LRP1B: variants seen among roughly 807,000 people sequenced by gnomAD.
LRP1B encodes low-density lipoprotein receptor-related protein 1B.
LRP1B carries 217 observed loss-of-function variants against 556.6 expected under a neutral mutation model. The ratio of observed to expected loss-of-function variants is 0.39; its 90% CI spans 0.35 to 0.44. The LOEUF (loss-of-function observed/expected upper bound fraction) is 0.44. Ranked by LOEUF, LRP1B falls within the 20% of genes least tolerant of loss-of-function variation. The pLI is 1.00. For missense variants in LRP1B, 5,053 were observed against 5,620.8 expected, an observed-to-expected ratio of 0.90 and a Z score of 3.23; for synonymous variants, 2,047 against 1,865.8, an observed-to-expected ratio of 1.10 and a Z score of -2.50.
intron 29 of LRP1B, among the ~76,000 whole-genome samples, chr2:140,849,043 G>A (rs1450087537): frequency 4.0e-5 from 6 of 151,856 alleles, no homozygotes; most frequent in South Asian, 2.1e-4. Context: ...TGTGCAAAGG[G>A]AAGTTGCTTA....
intron 66 of LRP1B, among the ~76,000 whole-genome samples, chr2:140,419,542 T>C (rs1685344796): frequency 6.6e-6 from 1 of 152,130 alleles, no homozygotes; most frequent in Non-Finnish European, 1.5e-5. Context: ...ATAGGCCAAA[T>C]TCTAGAGAAT....
chr2:141,185,231 T>C (rs887980963), intron 7 of LRP1B, among the ~76,000 whole-genome samples: 2 of 152,016 alleles, frequency 1.3e-5, no homozygotes, highest in African/African-American at 4.8e-5. Context: ...GCAGAAGAAA[T>C]ATCCAAAGTC....
At chr2:140,791,521 T>C (rs1215021083) in intron 32 of LRP1B, among the ~76,000 whole-genome samples, 2 of 152,202 alleles carry the variant, frequency 1.3e-5, no homozygotes, top group Admixed American at 6.5e-5. Flanking sequence ...ATCAAAGTAA[T>C]GTGAATATTA....
At chr2:140,716,334 T>C (rs903577312) in intron 36 of LRP1B, among the ~76,000 whole-genome samples, 7 of 152,102 alleles carry the variant, frequency 4.6e-5, no homozygotes, top group Non-Finnish European at 8.8e-5. Context: ...TATATTTACA[T>C]GGTAAAACGA....
intron 71 of LRP1B, among the ~76,000 whole-genome samples, chr2:140,366,296 G>A (rs1054273443): frequency 6.6e-6 from 1 of 151,688 alleles, no homozygotes; most frequent in Admixed American, 6.6e-5. Context: ...AGGAGAGTGA[G>A]CACATAAACA....
chr2:141,797,957 T>G (rs567869438), intron 2 of LRP1B, among the ~76,000 whole-genome samples: 1 of 152,196 alleles, frequency 6.6e-6, no homozygotes, highest in Non-Finnish European at 1.5e-5. Flanking sequence ...ATGACAATTA[T>G]AGGCAATGCA....
At chr2:141,720,792 GTATT>G (rs570383304) in intron 2 of LRP1B, among the ~76,000 whole-genome samples, 209 of 152,118 alleles carry the variant, frequency 1.4e-3, no homozygotes, top group African/African-American at 4.8e-3. Flanking sequence ...AACTATAAAT[GTATT>G]TATTTATCCA....
At chr2:141,064,765 T>C (rs1020362890) in intron 7 of LRP1B, among the ~76,000 whole-genome samples, 6 of 151,980 alleles carry the variant, frequency 3.9e-5, no homozygotes, top group African/African-American at 1.4e-4. Flanking sequence ...GTTTCATTCC[T>C]AGGGCATTCT....
intron 66 of LRP1B, among the ~76,000 whole-genome samples, chr2:140,425,252 G>C (rs1015084986): frequency 3.9e-5 from 6 of 152,044 alleles, no homozygotes; most frequent in Admixed American, 1.3e-4. Context: ...ATATTTTTCT[G>C]ATAAAAATTA....
chr2:140,719,305 A>T (rs1474240304), intron 35 of LRP1B, among the ~76,000 whole-genome samples: 2 of 152,140 alleles, frequency 1.3e-5, no homozygotes, highest in African/African-American at 4.8e-5. Flanking sequence ...TATACACATG[A>T]AGAAATGGCT....
At chr2:140,800,778 C>T (rs970693236) in intron 32 of LRP1B, among the ~76,000 whole-genome samples, 2 of 152,090 alleles carry the variant, frequency 1.3e-5, no homozygotes, top group Non-Finnish European at 2.9e-5. Context: ...CAATCCAATA[C>T]ATTCCTTCTT....
In LRP1B at chr2:140,541,881, G is replaced by A. The variant is rs2105020637; in HGVS notation, c.7285C>T (p.Leu2429=). The A allele has an allele frequency of 1.2e-6, 2 of 1,612,798 alleles. No homozygotes were observed. Among genetic ancestry groups the A allele is most frequent in the Non-Finnish European group, 1.7e-6 (2 of 1,179,130 alleles). ...FWSDWGRRAI[L]RSNKYTGGDT... is the part of the protein sequence containing the mutation. ...CCTCCTGTGTACTTGTTGGACCGCAGTATAGCTCTTCTTCCCCAGTCCGAC... is the reference window on the plus strand; with the variant it reads ...CCTCCTGTGTACTTGTTGGACCGCAATATAGCTCTTCTTCCCCAGTCCGAC... Residue 2429 remains leucine (L), a synonymous_variant, in exon 44 of 91, where the codon CTG becomes TTG. Transcript: ENST00000389484.
intron 82 of LRP1B, 50 bp from the exon 83 acceptor site, chr2:140,315,149 TAATAA>T (rs1684465812): frequency 7.9e-7 from 1 of 1,262,416 alleles, no homozygotes; most frequent in South Asian, 1.6e-5. Flanking sequence ...GGGAGTAATT[TAATAA>T]AATAATTCAA....
intron 2 of LRP1B, among the ~76,000 whole-genome samples, chr2:141,621,125 C>T (rs1688493160): frequency 6.6e-6 from 1 of 152,018 alleles, no homozygotes. Flanking sequence ...TGAGCTCCAA[C>T]CCTCATATGT....
chr2:141,754,127 T>A (rs527966761), intron 2 of LRP1B, among the ~76,000 whole-genome samples: 2 of 152,282 alleles, frequency 1.3e-5, no homozygotes, highest in South Asian at 4.1e-4. Flanking sequence ...TATCCATGCA[T>A]GCAAAATAAG....
intron 2 of LRP1B, among the ~76,000 whole-genome samples, chr2:141,698,500 A>AAG (rs925065936): frequency 6.6e-6 from 1 of 151,546 alleles, no homozygotes; most frequent in Non-Finnish European, 1.5e-5. Context: ...ACTTAAAAAA[A>AAG]AAAAAAAAGA....
At chr2:141,983,990 G>A (rs988904385) in intron 1 of LRP1B, among the ~76,000 whole-genome samples, 6 of 152,102 alleles carry the variant, frequency 3.9e-5, no homozygotes, top group Admixed American at 2.6e-4. Flanking sequence ...GAACCCTGGA[G>A]GTGGAGGTTG....
intron 57 of LRP1B, among the ~76,000 whole-genome samples, chr2:140,492,008 A>G (rs1573999352): frequency 6.6e-6 from 1 of 152,294 alleles, no homozygotes; most frequent in East Asian, 1.9e-4. Flanking sequence ...ATTTTGACCA[A>G]TCAGGAATGT....
intron 59 of LRP1B, among the ~76,000 whole-genome samples, chr2:140,477,102 T>C (rs1041330359): frequency 1.3e-5 from 2 of 152,074 alleles, no homozygotes; most frequent in African/African-American, 4.8e-5. Flanking sequence ...AAGTACCTTG[T>C]TGCCTATACT....
Sources: gnomAD v4.1 joint callset for allele counts (sites outside exome capture counted in the v4.1 genomes callset) on GRCh38, gnomAD v4.1.1 for gene constraint, MANE v1.5 for transcripts, NCBI Gene and HGNC (gene_info 2026-07-23, HGNC 2026-07-21) for gene names.